Variants in ADCY2 observed in about 807,000 individuals in gnomAD.
ADCY2 encodes adenylate cyclase 2.
ADCY2 carries 31 observed loss-of-function variants against 125.2 expected under a neutral mutation model. The ratio of observed to expected loss-of-function variants is 0.25; its 90% CI spans 0.19 to 0.33. The LOEUF is 0.33. Among genes scored for constraint, ADCY2 ranks in the 10% least tolerant of loss-of-function variants. The probability of loss-of-function intolerance (pLI) is 1.00; values close to 1 mark genes in which losing one functional copy is unlikely to be tolerated. For synonymous variants in ADCY2, 512 were observed against 548.4 expected, an observed-to-expected ratio of 0.93 and a Z score of 0.93; for missense variants, 904 against 1,418.2, an observed-to-expected ratio of 0.64 and a Z score of 5.82.
At chr5:7,589,524 G>GAAA (rs1554022167) in intron 3 of ADCY2, among the ~76,000 whole-genome samples, 3 of 67,868 alleles carry the variant, frequency 4.4e-5, no homozygotes, top group Non-Finnish European at 6.7e-5. Context: ...AGAAAAGAAA[G>GAAA]AGAAAGAAAG....
At chr5:7,747,517 T>G (rs555690633) in intron 15 of ADCY2, among the ~76,000 whole-genome samples, 1 of 152,160 alleles carries the variant, frequency 6.6e-6, no homozygotes, top group Admixed American at 6.5e-5. Flanking sequence ...TGTCCCAGCA[T>G]GGGGACAGAC....
chr5:7,536,199 C>T (rs1734806136), intron 3 of ADCY2, among the ~76,000 whole-genome samples: 1 of 152,224 alleles, frequency 6.6e-6, no homozygotes, highest in Admixed American at 6.5e-5. Context: ...CTGGCCAATC[C>T]TCCAGACTTT....
chr5:7,807,538 C>T (rs1744792662), intron 22 of ADCY2, among the ~76,000 whole-genome samples: 1 of 152,168 alleles, frequency 6.6e-6, no homozygotes, highest in Non-Finnish European at 1.5e-5. Context: ...ATTGTCTGGC[C>T]CCAGCCTGTG....
intron 4 of ADCY2, among the ~76,000 whole-genome samples, chr5:7,665,232 T>G (rs1739672882): frequency 6.6e-6 from 1 of 152,170 alleles, no homozygotes; most frequent in Non-Finnish European, 1.5e-5. Context: ...ACCATTGTCC[T>G]TTCCTTCCCT....
At chr5:7,667,480 T>C (rs1274536528) in intron 4 of ADCY2, among the ~76,000 whole-genome samples, 1 of 152,166 alleles carries the variant, frequency 6.6e-6, no homozygotes, top group East Asian at 1.9e-4. Flanking sequence ...GTATTTAAGA[T>C]GTGTGATTCA....
At chr5:7,683,075 C>T (rs1353132550) in intron 4 of ADCY2, among the ~76,000 whole-genome samples, 1 of 152,208 alleles carries the variant, frequency 6.6e-6, no homozygotes, top group Non-Finnish European at 1.5e-5. Flanking sequence ...TTTCCATGGA[C>T]TGCAAGGCAG....
chr5:7,719,650 G>C (rs1328117419), intron 12 of ADCY2, among the ~76,000 whole-genome samples: 1 of 152,192 alleles, frequency 6.6e-6, no homozygotes, highest in Non-Finnish European at 1.5e-5. Context: ...TCTTTCCCCA[G>C]TGCATGCCAT....
chr5:7,541,357 A>T (rs1734986888), intron 3 of ADCY2, among the ~76,000 whole-genome samples: 1 of 152,238 alleles, frequency 6.6e-6, no homozygotes, highest in Non-Finnish European at 1.5e-5. Flanking sequence ...TATTCACCAG[A>T]ATACACATCC....
chr5:7,607,910 A>T (rs1344001847), intron 3 of ADCY2, among the ~76,000 whole-genome samples: 1 of 152,216 alleles, frequency 6.6e-6, no homozygotes. Context: ...CACACCAAAG[A>T]TGTGTCTCCT....
intron 2 of ADCY2, among the ~76,000 whole-genome samples, chr5:7,451,196 T>C (rs1741457447): frequency 6.6e-6 from 1 of 152,230 alleles, no homozygotes; most frequent in Non-Finnish European, 1.5e-5. Context: ...ATTCTTCTGT[T>C]GGATATGGGC....
chr5:7,557,182 T>TATATGTGATATATA (rs56204377), intron 3 of ADCY2, among the ~76,000 whole-genome samples: 33 of 144,924 alleles, frequency 2.3e-4, no homozygotes, highest in Non-Finnish European at 4.4e-4. Context: ...ATCACACATA[T>TATATGTGATATATA]TATATATGTG....
At chr5:7,500,915 A>G (rs1029812815) in intron 2 of ADCY2, among the ~76,000 whole-genome samples, 1 of 152,128 alleles carries the variant, frequency 6.6e-6, no homozygotes, top group East Asian at 1.9e-4. Context: ...TCTGAGATGA[A>G]AAAGCATTCT....
At chr5:7,825,789 C>T (rs866397653) in intron 24 of ADCY2, among the ~76,000 whole-genome samples, 2 of 152,162 alleles carry the variant, frequency 1.3e-5, no homozygotes, top group Non-Finnish European at 2.9e-5. Context: ...CCCAGGCAGG[C>T]GCGGGCCCAC....
chr5:7,760,727 A>G (rs941404196), intron 16 of ADCY2, among the ~76,000 whole-genome samples: 3 of 152,228 alleles, frequency 2.0e-5, no homozygotes, highest in African/African-American at 7.2e-5. Flanking sequence ...TAACACATCC[A>G]TCACCTTCCA....
intron 14 of ADCY2, among the ~76,000 whole-genome samples, chr5:7,732,523 G>A (rs1447654464): frequency 6.6e-6 from 1 of 152,176 alleles, no homozygotes; most frequent in Non-Finnish European, 1.5e-5. Flanking sequence ...TACCTTCTAT[G>A]TACCAGGAAT....
chr5:7,571,580 T>C (rs1736066872), intron 3 of ADCY2, among the ~76,000 whole-genome samples: 1 of 152,188 alleles, frequency 6.6e-6, no homozygotes, highest in African/African-American at 2.4e-5. Flanking sequence ...TTTGTTCTTC[T>C]GTATTAAGGA....
chr5:7,640,198 T>C (rs890594507), intron 4 of ADCY2, among the ~76,000 whole-genome samples: 4 of 152,210 alleles, frequency 2.6e-5, no homozygotes, highest in African/African-American at 9.6e-5. Flanking sequence ...AGATTTCCGC[T>C]GGTGAATTTT....
intron 2 of ADCY2, among the ~76,000 whole-genome samples, chr5:7,421,583 C>T (rs1740204597): frequency 1.3e-5 from 2 of 152,218 alleles, no homozygotes; most frequent in African/African-American, 2.4e-5. Flanking sequence ...GTCACAAGTA[C>T]TGGGGTTTAG....
chr5:7,557,191 T>TA (rs1735549613), intron 3 of ADCY2, among the ~76,000 whole-genome samples: 1 of 81,046 alleles, frequency 1.2e-5, no homozygotes, highest in African/African-American at 3.4e-5. Flanking sequence ...ATTATATATG[T>TA]GATATATATA....
Sources: allele counts gnomAD v4.1 joint callset (sites outside exome capture counted in the v4.1 genomes callset), GRCh38; gene constraint gnomAD v4.1.1; transcripts MANE v1.5; gene names NCBI Gene and HGNC (gene_info 2026-07-23, HGNC 2026-07-21).